IFT88: variants seen among roughly 807,000 people sequenced by gnomAD.
IFT88 encodes intraflagellar transport protein 88 homolog.
IFT88 carries 74 observed loss-of-function variants against 119.5 expected under a neutral mutation model. The ratio of observed to expected loss-of-function variants is 0.62; its 90% CI spans 0.51 to 0.75. The LOEUF is 0.75. Ranked by LOEUF, IFT88 falls within the 30% of genes least tolerant of loss-of-function variation. IFT88 has a pLI of 0.00. For missense variants in IFT88, 961 were observed against 977.7 expected (o/e 0.98, Z 0.23); for synonymous variants, 279 against 316.7 (o/e 0.88, Z 1.26).
intron 24 of IFT88, among the ~76,000 whole-genome samples, chr13:20,680,298 A>G (rs768812047): frequency 6.6e-6 from 1 of 152,126 alleles, no homozygotes; most frequent in Non-Finnish European, 1.5e-5. Flanking sequence ...AAATCCTCAA[A>G]TCCCAACAAG....
intron 2 of IFT88, among the ~76,000 whole-genome samples, chr13:20,578,358 CTTTTTTTT>C (rs1158499742): frequency 6.3e-5 from 5 of 78,748 alleles, no homozygotes; most frequent in Admixed American, 3.9e-4. Context: ...AGTCTTGTTA[CTTTTTTTT>C]TTTTTTTTTT....
chr13:20,665,143 A>G (rs1254015563), intron 23 of IFT88, among the ~76,000 whole-genome samples: 1 of 152,174 alleles, frequency 6.6e-6, no homozygotes, highest in Non-Finnish European at 1.5e-5. Flanking sequence ...AAATATATTC[A>G]ATTTTTAAAT....
chr13:20,666,900 T>C (rs977659704), intron 23 of IFT88, among the ~76,000 whole-genome samples: 11 of 152,228 alleles, frequency 7.2e-5, no homozygotes, highest in Admixed American at 3.3e-4. Context: ...TTTACAAATA[T>C]ATACAAACAT....
intron 12 of IFT88, among the ~76,000 whole-genome samples, chr13:20,604,806 T>G (rs1466980657): frequency 1.3e-5 from 2 of 152,074 alleles, no homozygotes; most frequent in East Asian, 3.9e-4. Flanking sequence ...AATACAAAAA[T>G]TAGCCAGGCA....
chr13:20,580,929 G>C (rs920778468), intron 2 of IFT88, among the ~76,000 whole-genome samples: 7 of 151,934 alleles, frequency 4.6e-5, no homozygotes, highest in Non-Finnish European at 8.8e-5. Flanking sequence ...GTTTCACCGT[G>C]TTAGCCAGGA....
In IFT88 at chr13:20,605,854, A is replaced by G. The variant is rs143765910; in HGVS notation, c.1112+749A>G. Among the ~76,000 whole-genome samples the G allele has an allele frequency of 1.6e-3, 242 of 152,336 alleles. 1 individual carries two copies. The highest frequency in any genetic ancestry group is 4.6e-3 in the African/African-American group (191 of 41,582). On this transcript the variant is annotated intron_variant, in intron 13 of 25. Transcript: ENST00000351808. ...CACGTTATTATAAAGGATACAACTC[A>G]GAGACAACCAAATGGAAGAGCTGCA...
chr13:20,642,898 A>C (rs2050168984), intron 18 of IFT88: 1 of 151,604 alleles, frequency 6.6e-6, no homozygotes, highest in Non-Finnish European at 1.5e-5. Context: ...GAATTGGAAT[A>C]TTTTCATTTC....
chr13:20,588,595 A>G (rs1292556823), intron 3 of IFT88, among the ~76,000 whole-genome samples: 1 of 152,238 alleles, frequency 6.6e-6, no homozygotes, highest in Non-Finnish European at 1.5e-5. Flanking sequence ...AAATAAATAA[A>G]TTCTTGTTGT....
intron 3 of IFT88, among the ~76,000 whole-genome samples, chr13:20,586,969 A>G (rs1423088562): frequency 1.3e-5 from 2 of 151,834 alleles, no homozygotes; most frequent in East Asian, 1.9e-4. Context: ...TCTAATTTCC[A>G]TGGGTATTTC....
intron 15 of IFT88, among the ~76,000 whole-genome samples, chr13:20,628,637 C>T (rs919179441): frequency 6.6e-6 from 1 of 151,918 alleles, no homozygotes; most frequent in Non-Finnish European, 1.5e-5. Flanking sequence ...AAAACTTGAG[C>T]GAAAAAATAC....
At chr13:20,613,993 T>A (rs1001031361) in intron 13 of IFT88, among the ~76,000 whole-genome samples, 1 of 151,702 alleles carries the variant, frequency 6.6e-6, no homozygotes, top group Non-Finnish European at 1.5e-5. Context: ...TGTTTCTTTT[T>A]GGGATGATGA....
intron 1 of IFT88, chr13:20,568,066 T>G: frequency 1.4e-6 from 1 of 707,602 alleles, no homozygotes; most frequent in Non-Finnish European, 2.6e-6. Flanking sequence ...TTTACGAATT[T>G]GTGTTGGGCC....
chr13:20,590,872 T>A, intron 4 of IFT88, 95 bp from the exon 5 acceptor site: 1 of 820,918 alleles, frequency 1.2e-6, no homozygotes, highest in South Asian at 1.5e-5. Flanking sequence ...TTTGTTTATT[T>A]GCCGATAGAA....
At chr13:20,600,251 G>A (rs1469751245) in intron 11 of IFT88, among the ~76,000 whole-genome samples, 1 of 151,986 alleles carries the variant, frequency 6.6e-6, no homozygotes, top group African/African-American at 2.4e-5. Flanking sequence ...TTTAAGCCAG[G>A]TGAGACCAAG....
intron 16 of IFT88, chr13:20,631,307 G>A: frequency 2.0e-6 from 1 of 505,292 alleles, no homozygotes; most frequent in South Asian, 2.8e-5. Context: ...CTCTGAAGGA[G>A]AAGGGAGGAA....
intron 24 of IFT88, among the ~76,000 whole-genome samples, chr13:20,674,724 A>ATTTTTT (rs35617736): frequency 2.7e-5 from 2 of 73,804 alleles, no homozygotes; most frequent in Non-Finnish European, 5.1e-5. Context: ...ATATATATAT[A>ATTTTTT]TTTTTTTTTT....
At chr13:20,582,008 TA>T (rs1391148510) in intron 2 of IFT88, among the ~76,000 whole-genome samples, 2 of 152,184 alleles carry the variant, frequency 1.3e-5, no homozygotes, top group African/African-American at 2.4e-5. Context: ...ATAGTGACTT[TA>T]TTTTTTTTTG....
intron 18 of IFT88, chr13:20,642,297 AT>A (rs1005942909): frequency 1.3e-5 from 2 of 152,176 alleles, no homozygotes; most frequent in African/African-American, 4.8e-5. Context: ...TTGATAAAGA[AT>A]TTTATTGAAA....
At chr13:20,617,287 G>T (rs1170204162) in intron 14 of IFT88, among the ~76,000 whole-genome samples, 1 of 152,198 alleles carries the variant, frequency 6.6e-6, no homozygotes, top group African/African-American at 2.4e-5. Context: ...GGTTGGTGGG[G>T]TGGGGTGGGT....
Sources: allele counts gnomAD v4.1 joint callset (sites outside exome capture counted in the v4.1 genomes callset), GRCh38; gene constraint gnomAD v4.1.1; transcripts MANE v1.5; gene names NCBI Gene and HGNC (gene_info 2026-07-23, HGNC 2026-07-21).